Variants in GPM6A observed in about 807,000 individuals in gnomAD.
The protein encoded by GPM6A is glycoprotein M6A, also known as neuronal membrane glycoprotein M6-a.
In GPM6A, 7 loss-of-function variants were observed where a neutral mutation model predicts 32.1. The ratio of observed to expected loss-of-function variants is 0.22; its 90% CI spans 0.12 to 0.41. The LOEUF is 0.41. Ranked by LOEUF, GPM6A falls within the 10% of genes least tolerant of loss-of-function variation. The probability of loss-of-function intolerance (pLI) is 1.00; values close to 1 mark genes in which losing one functional copy is unlikely to be tolerated. For missense variants in GPM6A, 235 were observed against 347.2 expected (o/e 0.68, Z 2.57); for synonymous variants, 130 against 123.4 (o/e 1.05, Z -0.35).
chr4:175,902,186 G>A (rs1417434438), intron 1 of GPM6A, among the ~76,000 whole-genome samples: 1 of 151,898 alleles, frequency 6.6e-6, no homozygotes, highest in African/African-American at 2.4e-5. Flanking sequence ...TACTGATATG[G>A]GGAACAACCT....
chr4:175,677,500 A>G (rs1308003240), intron 2 of GPM6A, among the ~76,000 whole-genome samples: 3 of 152,092 alleles, frequency 2.0e-5, no homozygotes, highest in Non-Finnish European at 4.4e-5. Flanking sequence ...AATGGGGGGG[A>G]AGAAAAAAAG....
intron 1 of GPM6A, among the ~76,000 whole-genome samples, chr4:175,778,777 A>T (rs1421579682): frequency 1.3e-5 from 2 of 150,504 alleles, no homozygotes; most frequent in African/African-American, 4.9e-5. Context: ...TAATGACTTT[A>T]TCTCCTTAAT....
At chr4:175,687,099 G>A (rs1424753188) in intron 2 of GPM6A, among the ~76,000 whole-genome samples, 2 of 152,152 alleles carry the variant, frequency 1.3e-5, no homozygotes, top group East Asian at 3.9e-4. Context: ...CAATTTTGCA[G>A]GCTATATTGA....
chr4:175,834,353 C>A (rs528292980), intron 1 of GPM6A, among the ~76,000 whole-genome samples: 42 of 152,230 alleles, frequency 2.8e-4, no homozygotes, highest in African/African-American at 9.9e-4. Context: ...TTGTTTTATT[C>A]TTGGCTTGCT....
chr4:176,002,386 C>G (rs1343147348), upstream of GPM6A: 1 of 1,553,420 alleles, frequency 6.4e-7, no homozygotes. Flanking sequence ...CCAAGTTCTC[C>G]AAGCCGCGCT....
intron 1 of GPM6A, among the ~76,000 whole-genome samples, chr4:175,845,058 T>C (rs779663252): frequency 9.2e-5 from 14 of 152,124 alleles, no homozygotes; most frequent in Non-Finnish European, 2.1e-4. Context: ...AGCTAACACC[T>C]TTAATAATTC....
At chr4:175,691,412 A>G (rs1006213552) in intron 2 of GPM6A, among the ~76,000 whole-genome samples, 1 of 152,218 alleles carries the variant, frequency 6.6e-6, no homozygotes. Flanking sequence ...AAAGCAATAT[A>G]TAAGCATTGT....
At position 175,720,502 on chromosome 4, in the gene GPM6A, C is replaced by A. The variant is rs1560895261; in HGVS notation, c.38-18735G>T. Reference sequence around the variant, plus strand: ...TTTATTATTTCTAGAATATGCTTTACACTGAAGTACAGCACTCCTGTACTG... The same window carrying A: ...TTTATTATTTCTAGAATATGCTTTAAACTGAAGTACAGCACTCCTGTACTG... On this transcript the variant is annotated intron_variant, in intron 1 of 6. Coordinates refer to ENST00000393658, the MANE Select transcript of GPM6A (RefSeq NM_201591.3). Among the ~76,000 whole-genome samples the A allele has an allele frequency of 2.6e-5, 4 of 152,238 alleles. No individual in the cohort carries two copies. In the South Asian group the frequency reaches 8.3e-4, roughly 32 times the overall value.
chr4:175,883,916 T>G (rs1737360531), intron 1 of GPM6A, among the ~76,000 whole-genome samples: 1 of 152,236 alleles, frequency 6.6e-6, no homozygotes. Flanking sequence ...ATAATACAGT[T>G]GATTACAATT....
chr4:175,722,512 C>G lies in GPM6A; in HGVS notation c.38-20745G>C, dbSNP rs1029439381. ...CCTAAGGAAAATCCACCACGGATCG[C>G]GGCTGCACCCTTTTGCAGCTTTCTT... On this transcript the variant is annotated intron_variant, in intron 1 of 6. Transcript: ENST00000393658. 4.6e-5 allele frequency among the ~76,000 whole-genome samples: 7 copies of G among 152,098 alleles called. No individual in the cohort carries two copies. In the East Asian group the frequency reaches 1.4e-3, roughly 29 times the overall value.
chr4:175,975,737 C>T (rs1740637664), intron 1 of GPM6A, among the ~76,000 whole-genome samples: 1 of 152,000 alleles, frequency 6.6e-6, no homozygotes, highest in African/African-American at 2.4e-5. Flanking sequence ...TATCTTTGTT[C>T]AACAGAAAAG....
At chr4:175,949,740 A>G (rs1270615284) in intron 1 of GPM6A, among the ~76,000 whole-genome samples, 1 of 152,200 alleles carries the variant, frequency 6.6e-6, no homozygotes, top group Non-Finnish European at 1.5e-5. Flanking sequence ...AACTCATGAA[A>G]AAGATAAAGC....
intron 1 of GPM6A, chr4:175,962,160 C>T (rs1055062496): frequency 8.8e-6 from 8 of 909,944 alleles, no homozygotes; most frequent in African/African-American, 4.9e-5. Flanking sequence ...CAAGCATCAA[C>T]CCAAGGTGAT....
At chr4:176,001,233 C>T (rs72704568) in intron 1 of GPM6A, among the ~76,000 whole-genome samples, 320 of 152,312 alleles carry the variant, frequency 2.1e-3, no homozygotes, top group Middle Eastern at 3.4e-3. Flanking sequence ...AGAAATCCCT[C>T]ACAACAAAGG....
At chr4:175,970,623 G>T (rs890455262) in intron 1 of GPM6A, among the ~76,000 whole-genome samples, 1 of 152,114 alleles carries the variant, frequency 6.6e-6, no homozygotes, top group Non-Finnish European at 1.5e-5. Flanking sequence ...TAGATTTAAA[G>T]GGTCATATGC....
chr4:175,707,236 C>T (rs1184386621), intron 1 of GPM6A, among the ~76,000 whole-genome samples: 2 of 152,156 alleles, frequency 1.3e-5, no homozygotes, highest in African/African-American at 4.8e-5. Flanking sequence ...TTGCCCTGAA[C>T]TTCTTCTTGC....
At chr4:175,640,280 C>A (rs930782599) in intron 5 of GPM6A, 86 bp from the exon 6 acceptor site, 2 of 977,974 alleles carry the variant, frequency 2.0e-6, no homozygotes, top group Admixed American at 1.9e-5. Context: ...ATAAACAAGA[C>A]TTTGTACATC....
chr4:175,766,849 T>C (rs2111223170), intron 1 of GPM6A, among the ~76,000 whole-genome samples: 1 of 152,092 alleles, frequency 6.6e-6, no homozygotes, highest in Middle Eastern at 3.4e-3. Flanking sequence ...GGAACAGGGT[T>C]TCACCATGTT....
intron 4 of GPM6A, among the ~76,000 whole-genome samples, chr4:175,644,380 G>A (rs1161152756): frequency 6.6e-6 from 1 of 151,864 alleles, no homozygotes. Context: ...CCATATGGAT[G>A]TACCACTGCT....
Sources: gnomAD v4.1 joint callset for allele counts (sites outside exome capture counted in the v4.1 genomes callset) on GRCh38, gnomAD v4.1.1 for gene constraint, MANE v1.5 for transcripts, NCBI Gene and HGNC (gene_info 2026-07-23, HGNC 2026-07-21) for gene names.